The following SEMA3C variants were observed in gnomAD, a reference collection of about 807,000 sequenced individuals.
SEMA3C encodes semaphorin-3C.
SEMA3C carries 47 observed loss-of-function variants against 89.4 expected under a neutral mutation model. That is an observed-to-expected ratio of 0.53 (90% CI 0.42 to 0.67). SEMA3C has a LOEUF of 0.67. Ranked by LOEUF, SEMA3C falls within the 30% of genes least tolerant of loss-of-function variation. The pLI, the probability that SEMA3C is intolerant of heterozygous loss-of-function variation, is 0.00. For synonymous variants in SEMA3C, 310 were observed against 320.2 expected, an observed-to-expected ratio of 0.97 and a Z score of 0.34; for missense variants, 839 against 929.1, an observed-to-expected ratio of 0.90 and a Z score of 1.26.
chr7:80,913,822 A>G (rs1390684770), intron 2 of SEMA3C, among the ~76,000 whole-genome samples: 1 of 152,238 alleles, frequency 6.6e-6, no homozygotes, highest in African/African-American at 2.4e-5. Context: ...ACTGTTTTAC[A>G]AATGTTATTA....
intron 12 of SEMA3C, among the ~76,000 whole-genome samples, chr7:80,776,855 G>C (rs1051423278): frequency 9.9e-5 from 15 of 152,114 alleles, no homozygotes; most frequent in African/African-American, 3.1e-4. Flanking sequence ...GAAAGGAGAT[G>C]CTTTTTTTGG....
At chr7:80,903,260 T>C (rs1458947237) in intron 2 of SEMA3C, among the ~76,000 whole-genome samples, 1 of 152,184 alleles carries the variant, frequency 6.6e-6, no homozygotes, top group Admixed American at 6.5e-5. Context: ...AGTACAAACC[T>C]GTACAGCACG....
At chr7:80,754,431 GC>G (rs1464831674) in intron 15 of SEMA3C, among the ~76,000 whole-genome samples, 17 of 152,036 alleles carry the variant, frequency 1.1e-4, no homozygotes, top group African/African-American at 3.6e-4. Flanking sequence ...TTAGAGAGTG[GC>G]ATCAGCACAA....
At position 80,742,673 on chromosome 7, in the gene SEMA3C, T is replaced by C. The variant is rs536373048; in HGVS notation, c.*2221A>G. 1 of 152,084 alleles carries C rather than the reference T, an allele frequency of 6.6e-6. No individual in the cohort carries two copies. Among genetic ancestry groups the C allele is most frequent in the Non-Finnish European group, 1.5e-5 (1 of 67,846 alleles). The allele number at this position is 152,084 out of a possible 1,614,324, so 9.4% of individuals were successfully genotyped here. A position where few individuals can be genotyped will look rare whatever the true frequency, so the allele number is the denominator to read the frequency against. On this transcript the variant is annotated 3_prime_UTR_variant, in exon 18 of 18. Coordinates refer to ENST00000265361, the MANE Select transcript of SEMA3C (RefSeq NM_006379.5). ...CACCATTATGACAGTTTCATCATGC[T>C]AAAATCTATTCACAAACTTACACTT...
intron 5 of SEMA3C, among the ~76,000 whole-genome samples, chr7:80,812,134 T>C (rs1282000860): frequency 6.6e-6 from 1 of 152,120 alleles, no homozygotes; most frequent in East Asian, 1.9e-4. Flanking sequence ...GATTCTAAAG[T>C]TTTGACTCCT....
intron 2 of SEMA3C, chr7:80,915,828 G>A (rs566174241): frequency 2.7e-5 from 4 of 148,550 alleles, no homozygotes; most frequent in African/African-American, 1.0e-4. Context: ...TTTATCAAAT[G>A]AAAGAAAAAG....
intron 15 of SEMA3C, among the ~76,000 whole-genome samples, chr7:80,752,817 C>A (rs1214796741): frequency 6.6e-6 from 1 of 152,014 alleles, no homozygotes; most frequent in Non-Finnish European, 1.5e-5. Context: ...GAAGGTGACT[C>A]TTTAAATATT....
chr7:80,835,722 A>C (rs1240462066), intron 2 of SEMA3C, among the ~76,000 whole-genome samples: 1 of 152,190 alleles, frequency 6.6e-6, no homozygotes, highest in Non-Finnish European at 1.5e-5. Context: ...AATAGCCCCA[A>C]ATAGCAGCCA....
chr7:80,860,436 C>T (rs62460751), intron 2 of SEMA3C, among the ~76,000 whole-genome samples: 1 of 152,142 alleles, frequency 6.6e-6, no homozygotes, highest in Admixed American at 6.6e-5. Context: ...ACATGTGGCT[C>T]TGGACATACA....
chr7:80,815,974 T>G (rs374795010), intron 5 of SEMA3C: 11 of 152,306 alleles, frequency 7.2e-5, no homozygotes, highest in African/African-American at 2.6e-4. Flanking sequence ...TATTCATTCA[T>G]TTAAAGTCAT....
chr7:80,910,542 A>G (rs1369361806), intron 2 of SEMA3C, among the ~76,000 whole-genome samples: 1 of 152,104 alleles, frequency 6.6e-6, no homozygotes, highest in Non-Finnish European at 1.5e-5. Flanking sequence ...TTGCCTTTAA[A>G]TGTGTTTTCC....
chr7:80,799,038 G>A (rs1459475840), intron 10 of SEMA3C, among the ~76,000 whole-genome samples: 7 of 151,956 alleles, frequency 4.6e-5, no homozygotes, highest in Non-Finnish European at 1.0e-4. Context: ...TACAGGTACT[G>A]GAAAAAACAA....
Position 80,822,743 on chromosome 7 carries a change from C to T in SEMA3C, c.328-4325G>A, listed in dbSNP as rs1037487139. 2.8e-4 allele frequency among the ~76,000 whole-genome samples: 42 copies of T among 152,134 alleles called. 1 individual carries two copies. Among genetic ancestry groups the T allele is most frequent in the Admixed American group, 6.6e-5 (1 of 15,264 alleles). ...CTAAAATGGCAATGGTAATACTTGT[C>T]ATGGACAATATATTAATAAAGCAGT... is the stretch of plus-strand genomic sequence containing the variant. On this transcript the variant is annotated intron_variant, in intron 4 of 17. Coordinates refer to ENST00000265361, the MANE Select transcript of SEMA3C (RefSeq NM_006379.5).
chr7:80,788,117 C>G (rs970730147), intron 12 of SEMA3C, among the ~76,000 whole-genome samples: 4 of 152,126 alleles, frequency 2.6e-5, no homozygotes, highest in African/African-American at 9.7e-5. Context: ...AAAAAGTACC[C>G]ACATCTTAAA....
chr7:80,756,819 C>A (rs1462574658), intron 15 of SEMA3C, among the ~76,000 whole-genome samples: 10 of 89,674 alleles, frequency 1.1e-4, no homozygotes, highest in Non-Finnish European at 1.8e-4. Context: ...CCCTTTCTGA[C>A]ACCCACCCAT....
intron 5 of SEMA3C, among the ~76,000 whole-genome samples, chr7:80,814,133 G>A (rs1047190549): frequency 6.2e-5 from 9 of 145,922 alleles, no homozygotes; most frequent in South Asian, 2.1e-4. Context: ...CTGTCGCCCA[G>A]GCTGGAGTTC....
intron 11 of SEMA3C, among the ~76,000 whole-genome samples, chr7:80,794,216 C>T (rs1339248277): frequency 1.3e-5 from 2 of 151,958 alleles, no homozygotes; most frequent in South Asian, 2.1e-4. Context: ...CCCCTTCCTT[C>T]CTTACTCAAT....
intron 2 of SEMA3C, among the ~76,000 whole-genome samples, chr7:80,895,197 T>C (rs78340333): frequency 0.011 from 1,736 of 152,286 alleles, 29 homozygotes; most frequent in African/African-American, 0.039. Context: ...TCTTTACTAA[T>C]GGCACTTAAT....
chr7:80,847,429 A>C (rs1790415453), intron 2 of SEMA3C: 1 of 152,188 alleles, frequency 6.6e-6, no homozygotes, highest in Non-Finnish European at 1.5e-5. Context: ...TCTTAACATT[A>C]GATTTGGTAG....
Sources: gnomAD v4.1 joint callset for allele counts (sites outside exome capture counted in the v4.1 genomes callset) on GRCh38, gnomAD v4.1.1 for gene constraint, MANE v1.5 for transcripts, NCBI Gene and HGNC (gene_info 2026-07-23, HGNC 2026-07-21) for gene names.